The following HTR7 variants were observed in gnomAD, a reference collection of about 807,000 sequenced individuals.
The protein encoded by HTR7 is 5-hydroxytryptamine receptor 7.
In HTR7, 16 loss-of-function variants were observed where a neutral mutation model predicts 34.0. The observed-to-expected ratio is 0.47, with a 90% CI of 0.32 to 0.71. The LOEUF (loss-of-function observed/expected upper bound fraction) is 0.71. Ranked by LOEUF, HTR7 falls within the 30% of genes least tolerant of loss-of-function variation. The pLI, the probability that HTR7 is intolerant of heterozygous loss-of-function variation, is 0.04. For missense variants in HTR7, 504 were observed against 625.5 expected, an observed-to-expected ratio of 0.81 and a Z score of 2.07; for synonymous variants, 265 against 260.2, an observed-to-expected ratio of 1.02 and a Z score of -0.18.
At chr10:90,767,596 AC>A (rs1845043902) in intron 1 of HTR7, among the ~76,000 whole-genome samples, 1 of 151,912 alleles carries the variant, frequency 6.6e-6, no homozygotes. Context: ...TGGCCTTGTG[AC>A]TTGTTTTTAC....
At chr10:90,771,971 T>G (rs1845120964) in intron 1 of HTR7, among the ~76,000 whole-genome samples, 2 of 152,146 alleles carry the variant, frequency 1.3e-5, no homozygotes, top group African/African-American at 4.8e-5. Flanking sequence ...TCAAGGTAAA[T>G]TTTTTAAAAT....
At chr10:90,756,688 T>A (rs749289197) in intron 1 of HTR7, among the ~76,000 whole-genome samples, 56 of 152,252 alleles carry the variant, frequency 3.7e-4, no homozygotes, top group Admixed American at 2.4e-3. Context: ...GAGTTTCCCT[T>A]AAGAGAGAAA....
chr10:90,784,529 C>A (rs1845353249), intron 1 of HTR7, among the ~76,000 whole-genome samples: 1 of 152,096 alleles, frequency 6.6e-6, no homozygotes, highest in South Asian at 2.1e-4. Context: ...TAAATGGAAG[C>A]CATAAAAACA....
chr10:90,833,130 G>A (rs553728184), intron 1 of HTR7, among the ~76,000 whole-genome samples: 2 of 152,226 alleles, frequency 1.3e-5, no homozygotes, highest in Admixed American at 1.3e-4. Flanking sequence ...AACTGACCTT[G>A]GGCATGCCAA....
rs758593440 is a variant in HTR7 at position 90,742,478 on chromosome 10, G to A, written c.*4C>T. ...TTGTTTATTTCATCTCCATTGTTCT[G>A]CTTTCAATCATGAATCATGACCTTT... On this transcript the variant is annotated 3_prime_UTR_variant, in exon 4 of 4. Transcript: ENST00000336152. 8 of 1,599,562 alleles carry A rather than the reference G, an allele frequency of 5.0e-6. No homozygotes were observed. The Admixed American group carries it at 1.3e-4, about 27-fold the overall frequency.
chr10:90,791,949 G>T (rs1471307289), intron 1 of HTR7, among the ~76,000 whole-genome samples: 1 of 151,992 alleles, frequency 6.6e-6, no homozygotes. Context: ...AAAGACATCA[G>T]GAAATTAAAG....
intron 1 of HTR7, among the ~76,000 whole-genome samples, chr10:90,843,710 T>C (rs376669858): frequency 1.5e-5 from 1 of 67,434 alleles, no homozygotes; most frequent in Non-Finnish European, 2.8e-5. Context: ...GAAGGAAAGG[T>C]GGAAGAAAAG....
intron 1 of HTR7, among the ~76,000 whole-genome samples, chr10:90,825,801 C>T (rs1846063426): frequency 6.6e-6 from 1 of 152,042 alleles, no homozygotes; most frequent in Non-Finnish European, 1.5e-5. Flanking sequence ...TTTGGAAATA[C>T]ACAGTCAGAG....
chr10:90,815,726 A>G (rs1304572174), intron 1 of HTR7, among the ~76,000 whole-genome samples: 1 of 152,190 alleles, frequency 6.6e-6, no homozygotes, highest in East Asian at 1.9e-4. Flanking sequence ...CTGAACTTAA[A>G]AGTTGAAGAA....
chr10:90,784,888 T>C (rs7920627), intron 1 of HTR7, among the ~76,000 whole-genome samples: 12,206 of 152,244 alleles, frequency 0.08, 747 homozygotes, highest in African/African-American at 0.16. Context: ...ATTCACGTTG[T>C]CAACCACTCT....
chr10:90,817,267 C>T (rs1187529718), intron 1 of HTR7, among the ~76,000 whole-genome samples: 1 of 152,226 alleles, frequency 6.6e-6, no homozygotes, highest in Non-Finnish European at 1.5e-5. Context: ...GGAAGTTGGA[C>T]ACACTTCCTG....
intron 1 of HTR7, among the ~76,000 whole-genome samples, chr10:90,811,909 A>G (rs912756619): frequency 3.5e-4 from 53 of 150,746 alleles, no homozygotes; most frequent in Admixed American, 1.7e-3. Context: ...ATACAGTCTG[A>G]TAACAGACCA....
intron 2 of HTR7, among the ~76,000 whole-genome samples, chr10:90,744,175 A>T (rs1263960028): frequency 6.6e-6 from 1 of 151,400 alleles, no homozygotes; most frequent in Non-Finnish European, 1.5e-5. Context: ...GGTGGCCACA[A>T]GATGAGTGAG....
intron 1 of HTR7, among the ~76,000 whole-genome samples, chr10:90,832,702 C>A (rs562568642): frequency 6.6e-6 from 1 of 152,140 alleles, no homozygotes; most frequent in Non-Finnish European, 1.5e-5. Context: ...CGAGAGTGAG[C>A]GAGGGCTGTG....
At chr10:90,765,643 C>A (rs1400978833) in intron 1 of HTR7, among the ~76,000 whole-genome samples, 8 of 149,838 alleles carry the variant, frequency 5.3e-5, no homozygotes, top group Admixed American at 5.3e-4. Context: ...TTCTTTTTTT[C>A]TTAACATGTA....
In HTR7 at chr10:90,753,896, T is replaced by C. The variant is rs1485747855; in HGVS notation, c.540-4302A>G. ...ATAACATATATTATTAACCTTTCTA[T>C]ATAAAACTGGGTGTATGCTTGTGTG... On this transcript the variant is annotated intron_variant, in intron 1 of 3. Coordinates refer to ENST00000336152, the MANE Select transcript of HTR7 (RefSeq NM_019859.4). Among the ~76,000 whole-genome samples the C allele has an allele frequency of 3.9e-5, 6 of 152,072 alleles. No individual in the cohort carries two copies. The East Asian group carries it at 1.2e-3, about 29-fold the overall frequency.
chr10:90,777,480 CAA>C (rs1187256524), intron 1 of HTR7, among the ~76,000 whole-genome samples: 47 of 50,626 alleles, frequency 9.3e-4, no homozygotes, highest in Non-Finnish European at 1.4e-3. Context: ...GACTCCGTCT[CAA>C]AAAAAAAAAA....
At chr10:90,827,586 T>C (rs916172810) in intron 1 of HTR7, among the ~76,000 whole-genome samples, 4 of 152,076 alleles carry the variant, frequency 2.6e-5, no homozygotes, top group Non-Finnish European at 5.9e-5. Context: ...AGCTATACTT[T>C]TATCAGACAA....
rs369613303 is a variant in HTR7 at position 90,857,329 on chromosome 10, G to A, written c.343C>T (p.Pro115Ser). The A allele has an allele frequency of 6.2e-7, 1 of 1,614,054 alleles. No homozygotes were observed. Among genetic ancestry groups the A allele is most frequent in the African/African-American group, 1.3e-5 (1 of 75,014 alleles). ...SVCFVKKLRQ[P>S]SNYLIVSLAL... ...AGGGACACGATCAGGTAGTTGGAGG[G>A]CTGGCGGAGCTTCTTGACGAAGCAC... Residue 115 changes from proline to serine, a missense_variant, in exon 1 of 4, where the codon CCC (proline) becomes TCC (serine). This residue lies in a region of HTR7 where 154 missense variants were observed against 248.8 expected (regional missense o/e 0.62). Coordinates refer to ENST00000336152, the MANE Select transcript of HTR7 (RefSeq NM_019859.4). This position sits in a 1 kb window ranked among gnomAD's most constrained non-coding sequence, Gnocchi z 6.5.
Sources: allele counts gnomAD v4.1 joint callset (sites outside exome capture counted in the v4.1 genomes callset), GRCh38; gene constraint gnomAD v4.1.1; regional missense constraint gnomAD v4.1.1; non-coding constraint Gnocchi (gnomAD v3.1); transcripts MANE v1.5; gene names NCBI Gene and HGNC (gene_info 2026-07-23, HGNC 2026-07-21).